SPAST: variants seen among roughly 807,000 people sequenced by gnomAD.
SPAST encodes spastic paraplegia 4 (autosomal dominant; spastin).
In SPAST, 30 loss-of-function variants were observed where a neutral mutation model predicts 76.6. The observed-to-expected ratio is 0.39, with a 90% confidence interval of 0.29 to 0.53. The LOEUF is 0.53. Ranked by LOEUF, SPAST falls within the 20% of genes least tolerant of loss-of-function variation. The pLI is 0.68. For missense variants in SPAST, 717 were observed against 770.5 expected, an observed-to-expected ratio of 0.93 and a Z score of 0.82; for synonymous variants, 305 against 281.0, an observed-to-expected ratio of 1.09 and a Z score of -0.86.
At chr2:32,140,292 C>A (rs1398236589) in intron 12 of SPAST, among the ~76,000 whole-genome samples, 1 of 152,106 alleles carries the variant, frequency 6.6e-6, no homozygotes, top group African/African-American at 2.4e-5. Flanking sequence ...TGTTATTCTA[C>A]TTTTCATCTT....
rs191807201 is a variant in SPAST at position 32,103,542 on chromosome 2, C to T, written c.682+4651C>T. Among the ~76,000 whole-genome samples the T allele has an allele frequency of 9.2e-3, 1,408 of 152,224 alleles. 21 individuals carry two copies. The highest frequency in any genetic ancestry group is 0.032 in the African/African-American group (1,347 of 41,536). ...GGTGTTTGCTCTTGCTTCTCTAGTT[C>T]TTTTAATGGTGATGTTAGGGTGTCA... On this transcript the variant is annotated intron_variant, in intron 4 of 16. Coordinates refer to ENST00000315285, the MANE Select transcript of SPAST (RefSeq NM_014946.4).
chr2:32,087,444 T>G (rs2148708807), intron 1 of SPAST, 48 bp from the exon 2 acceptor site: 2 of 1,153,172 alleles, frequency 1.7e-6, no homozygotes, highest in African/African-American at 1.5e-5. Context: ...TTTGCAATAT[T>G]TAGTGTACTC....
intron 4 of SPAST, among the ~76,000 whole-genome samples, chr2:32,103,119 T>G (rs1314516122): frequency 1.3e-5 from 2 of 152,222 alleles, no homozygotes; most frequent in African/African-American, 4.8e-5. Flanking sequence ...GTTAGTAGGC[T>G]ATTAATTATT....
chr2:32,071,950 C>A (rs985508067), intron 1 of SPAST, among the ~76,000 whole-genome samples: 1 of 152,130 alleles, frequency 6.6e-6, no homozygotes, highest in Non-Finnish European at 1.5e-5. Context: ...CTCTACAGAA[C>A]GTAAATTTTC....
In SPAST at chr2:32,156,774, G is replaced by A. The variant is rs2148771301; in HGVS notation, c.*2278G>A. The A allele has an allele frequency of 6.6e-6, 1 of 152,180 alleles. No homozygotes were observed. Among genetic ancestry groups the A allele is most frequent in the South Asian group, 2.1e-4 (1 of 4,818 alleles). The allele number at this position is 152,180 out of a possible 1,614,324, so 9.4% of individuals were successfully genotyped here. On this transcript the variant is annotated 3_prime_UTR_variant, in exon 17 of 17. Coordinates refer to ENST00000315285, the MANE Select transcript of SPAST (RefSeq NM_014946.4). ...AAACTATCATGGTTATAATTCTATT[G>A]GGAAAGACTTTTAGATAACAAAGAT...
chr2:32,109,016 C>T (rs1678431551), intron 4 of SPAST, among the ~76,000 whole-genome samples: 1 of 151,844 alleles, frequency 6.6e-6, no homozygotes, highest in Non-Finnish European at 1.5e-5. Flanking sequence ...CCTGCCTTGG[C>T]CTCCCACAGT....
chr2:32,067,494 G>GT (rs757691420), intron 1 of SPAST, among the ~76,000 whole-genome samples: 59 of 152,290 alleles, frequency 3.9e-4, no homozygotes, highest in Non-Finnish European at 6.8e-4. Context: ...GCAGTTCCAT[G>GT]TGAGGAATAA....
chr2:32,087,454 C>G, intron 1 of SPAST, 38 bp from the exon 2 acceptor site: 1 of 1,289,096 alleles, frequency 7.8e-7, no homozygotes, highest in East Asian at 2.3e-5. Flanking sequence ...TTAGTGTACT[C>G]TTCATACGAT....
intron 4 of SPAST, among the ~76,000 whole-genome samples, chr2:32,106,539 C>T (rs944734860): frequency 6.6e-6 from 1 of 152,224 alleles, no homozygotes; most frequent in African/African-American, 2.4e-5. Context: ...GTGTCGCTCA[C>T]ACTGGGAGCT....
intron 4 of SPAST, among the ~76,000 whole-genome samples, chr2:32,100,082 T>G (rs1280152076): frequency 6.6e-6 from 1 of 152,102 alleles, no homozygotes; most frequent in Non-Finnish European, 1.5e-5. Context: ...TTGAGGAACC[T>G]CCATACTCTT....
chr2:32,139,868 T>C (rs552926206), intron 12 of SPAST, among the ~76,000 whole-genome samples: 1 of 139,068 alleles, frequency 7.2e-6, no homozygotes, highest in Non-Finnish European at 1.6e-5. Context: ...AAAAAGACAA[T>C]GGAGTACCTA....
chr2:32,076,049 C>T (rs1043599817), intron 1 of SPAST, among the ~76,000 whole-genome samples: 39 of 151,504 alleles, frequency 2.6e-4, no homozygotes, highest in African/African-American at 8.5e-4. Flanking sequence ...TACAGGTACG[C>T]GCCACCACGC....
intron 9 of SPAST, among the ~76,000 whole-genome samples, chr2:32,134,766 G>A (rs553346329): frequency 2.0e-5 from 3 of 152,208 alleles, no homozygotes; most frequent in African/African-American, 7.2e-5. Context: ...TGCGATCTCG[G>A]CTCACTGCAA....
At chr2:32,149,750 A>G (rs897676641) in intron 16 of SPAST, among the ~76,000 whole-genome samples, 1 of 152,226 alleles carries the variant, frequency 6.6e-6, no homozygotes, top group African/African-American at 2.4e-5. Flanking sequence ...GATTTAAAGT[A>G]TACAGGAGGA....
intron 4 of SPAST, among the ~76,000 whole-genome samples, chr2:32,108,758 C>CTTTTTTTTTTTTTTTTT (rs71407413): frequency 1.4e-5 from 1 of 73,888 alleles, no homozygotes; most frequent in African/African-American, 5.2e-5. Context: ...GCTGGTATAG[C>CTTTTTTTTTTTTTTTTT]TTTTTTTTTT....
intron 1 of SPAST, among the ~76,000 whole-genome samples, chr2:32,072,952 AT>A (rs1384216942): frequency 1.3e-5 from 2 of 152,218 alleles, no homozygotes; most frequent in Non-Finnish European, 2.9e-5. Flanking sequence ...AAAAGATAAC[AT>A]TGCTTTTGAT....
intron 3 of SPAST, among the ~76,000 whole-genome samples, chr2:32,098,062 T>G (rs1470961678): frequency 1.3e-5 from 2 of 152,176 alleles, no homozygotes; most frequent in African/African-American, 4.8e-5. Context: ...TAAAGCTTTT[T>G]CAGTGATCTT....
chr2:32,092,782 C>A (rs556433682), intron 3 of SPAST, among the ~76,000 whole-genome samples: 9 of 151,964 alleles, frequency 5.9e-5, no homozygotes, highest in African/African-American at 1.9e-4. Context: ...CCAAGGTGGG[C>A]GGATCACCTG....
At chr2:32,134,924 G>A (rs1462499082) in intron 9 of SPAST, among the ~76,000 whole-genome samples, 3 of 151,528 alleles carry the variant, frequency 2.0e-5, no homozygotes, top group Non-Finnish European at 2.9e-5. Flanking sequence ...TTGAACTCCC[G>A]ACCTCAGGTG....
Sources: allele counts gnomAD v4.1 joint callset (sites outside exome capture counted in the v4.1 genomes callset), GRCh38; gene constraint gnomAD v4.1.1; transcripts MANE v1.5; gene names NCBI Gene and HGNC (gene_info 2026-07-23, HGNC 2026-07-21).